Variants in SOX5 observed in about 807,000 individuals in gnomAD.
SOX5 encodes SRY-box transcription factor 5.
In SOX5, 9 loss-of-function variants were observed where a neutral mutation model predicts 92.0. That is an observed-to-expected ratio of 0.10 (90% confidence interval 0.06 to 0.17). SOX5 has a LOEUF of 0.17. Among genes scored for constraint, SOX5 ranks in the 10% least tolerant of loss-of-function variants. SOX5 has a pLI of 1.00. For synonymous variants in SOX5, 344 were observed against 336.3 expected (o/e 1.02, Z -0.25); for missense variants, 642 against 944.5 (o/e 0.68, Z 4.20).
intron 1 of SOX5, among the ~76,000 whole-genome samples, chr12:23,947,222 T>C (rs1417086369): frequency 6.6e-6 from 1 of 151,992 alleles, no homozygotes; most frequent in African/African-American, 2.4e-5. Context: ...CAAAGAAATT[T>C]AGAAGTCTTC....
At chr12:24,361,951 G>A (rs572062106) in intron 2 of SOX5, among the ~76,000 whole-genome samples, 2 of 152,184 alleles carry the variant, frequency 1.3e-5, no homozygotes, top group African/African-American at 4.8e-5. Flanking sequence ...GCAGAGACTG[G>A]AGTGATCTCC....
intron 8 of SOX5, among the ~76,000 whole-genome samples, chr12:23,608,139 A>G (rs886949544): frequency 1.3e-5 from 2 of 150,856 alleles, no homozygotes; most frequent in Non-Finnish European, 3.0e-5. Flanking sequence ...AAAAAAAAAA[A>G]AAGGCTGAGC....
chr12:23,666,212 C>G (rs2083775072), intron 6 of SOX5, among the ~76,000 whole-genome samples: 1 of 151,898 alleles, frequency 6.6e-6, no homozygotes, highest in African/African-American at 2.4e-5. Flanking sequence ...TCTCTTGAAT[C>G]CTGCTACAGA....
At chr12:23,812,599 C>T (rs1370197225) in intron 3 of SOX5, among the ~76,000 whole-genome samples, 2 of 152,002 alleles carry the variant, frequency 1.3e-5, no homozygotes, top group Admixed American at 6.6e-5. Context: ...CAAGGCCAAA[C>T]CAACCAGGAG....
intron 6 of SOX5, among the ~76,000 whole-genome samples, chr12:23,696,436 T>C (rs2089876748): frequency 1.3e-5 from 2 of 152,192 alleles, no homozygotes; most frequent in African/African-American, 4.8e-5. Flanking sequence ...CCTGGTTTTA[T>C]GGTCTGTAAA....
chr12:24,307,448 GGAAA>G lies in SOX5; in HGVS notation c.-173-30140_-173-30137del, dbSNP rs1002456660. ...CTTTCTCATTTAGTACTGTATAGCT[GGAAA>G]GGAAGGAAGGAAGGAAGGAAGGAAG... On this transcript the variant is annotated intron_variant, in intron 2 of 4. Transcript: ENST00000446891. Among the ~76,000 whole-genome samples the G allele has an allele frequency of 7.6e-4, 107 of 140,146 alleles. 3 individuals carry two copies. The East Asian group carries it at 0.011, about 14-fold the overall frequency. The allele number at this position is 140,146 out of a possible 152,430, so 91.9% of individuals were successfully genotyped here. A position where few individuals can be genotyped will look rare whatever the true frequency, so the allele number is the denominator to read the frequency against.
chr12:24,541,197 C>T (rs1405088019), intron 1 of SOX5, among the ~76,000 whole-genome samples: 2 of 152,140 alleles, frequency 1.3e-5, no homozygotes, highest in Non-Finnish European at 2.9e-5. Context: ...TCATGCTGCA[C>T]CAGAACACTA....
intron 2 of SOX5, among the ~76,000 whole-genome samples, chr12:24,308,971 G>T (rs1422970996): frequency 6.6e-6 from 1 of 152,120 alleles, no homozygotes; most frequent in African/African-American, 2.4e-5. Flanking sequence ...AAAAGTAAAG[G>T]TCAGAGCAGT....
intron 1 of SOX5, among the ~76,000 whole-genome samples, chr12:24,544,743 C>T (rs890059875): frequency 1.3e-5 from 2 of 152,220 alleles, no homozygotes; most frequent in Admixed American, 6.5e-5. Flanking sequence ...CATACTACCT[C>T]ATTTAAATAG....
At chr12:24,357,797 T>C (rs1392301051) in intron 2 of SOX5, among the ~76,000 whole-genome samples, 2 of 145,682 alleles carry the variant, frequency 1.4e-5, no homozygotes, top group African/African-American at 2.5e-5. Context: ...GGGTAGATTG[T>C]GCGACTGCAC....
At chr12:24,360,407 C>T (rs1955407713) in intron 2 of SOX5, among the ~76,000 whole-genome samples, 1 of 152,112 alleles carries the variant, frequency 6.6e-6, no homozygotes, top group South Asian at 2.1e-4. Context: ...TTATTATTCT[C>T]ATGGAAATTC....
intron 1 of SOX5, among the ~76,000 whole-genome samples, chr12:23,900,529 G>A (rs142652749): frequency 2.0e-5 from 3 of 152,228 alleles, no homozygotes; most frequent in African/African-American, 7.2e-5. Context: ...GAATTACCTG[G>A]AGAGGTTTAA....
chr12:24,120,821 T>G (rs1948535000), intron 4 of SOX5, among the ~76,000 whole-genome samples: 1 of 152,220 alleles, frequency 6.6e-6, no homozygotes, highest in Non-Finnish European at 1.5e-5. Context: ...TTATCCACCG[T>G]TTTTGGATAA....
chr12:24,452,766 C>T (rs1942496947), intron 1 of SOX5, among the ~76,000 whole-genome samples: 1 of 152,076 alleles, frequency 6.6e-6, no homozygotes, highest in African/African-American at 2.4e-5. Flanking sequence ...TTAACCTTAC[C>T]AAGGACCTCA....
intron 1 of SOX5, among the ~76,000 whole-genome samples, chr12:23,930,908 C>T (rs1359573039): frequency 2.6e-5 from 4 of 151,672 alleles, no homozygotes; most frequent in Admixed American, 2.6e-4. Context: ...CTCTAACACA[C>T]AGAACAGGAT....
At chr12:24,506,611 G>A (rs1429738792) in intron 1 of SOX5, among the ~76,000 whole-genome samples, 1 of 151,972 alleles carries the variant, frequency 6.6e-6, no homozygotes, top group Non-Finnish European at 1.5e-5. Flanking sequence ...CATGCAAGGG[G>A]AGAGTGGCTA....
intron 6 of SOX5, among the ~76,000 whole-genome samples, chr12:23,667,246 G>T (rs937530449): frequency 2.0e-5 from 3 of 151,956 alleles, no homozygotes; most frequent in Admixed American, 6.6e-5. Context: ...ATTGTTAATT[G>T]GTTATTATTT....
intron 2 of SOX5, among the ~76,000 whole-genome samples, chr12:23,863,083 T>C (rs1281282746): frequency 1.3e-5 from 2 of 152,200 alleles, no homozygotes; most frequent in South Asian, 4.1e-4. Flanking sequence ...TTCAACACTT[T>C]CACTTGGGGG....
At chr12:23,732,211 A>G (rs2093419688) in intron 6 of SOX5, among the ~76,000 whole-genome samples, 1 of 151,712 alleles carries the variant, frequency 6.6e-6, no homozygotes. Context: ...AGAAAAGGGA[A>G]GAAAAAACAT....
Sources: allele counts gnomAD v4.1 joint callset (sites outside exome capture counted in the v4.1 genomes callset), GRCh38; gene constraint gnomAD v4.1.1; transcripts MANE v1.5; gene names NCBI Gene and HGNC (gene_info 2026-07-23, HGNC 2026-07-21).